Variants in LRRC19 observed in about 807,000 individuals in gnomAD.
LRRC19 encodes leucine rich repeat containing 19.
Under a neutral mutation model 33.3 loss-of-function variants are expected in LRRC19, and 33 were observed. The ratio of observed to expected loss-of-function variants is 0.99; its 90% CI spans 0.75 to 1.33. The LOEUF is 1.33. Ranked by LOEUF, LRRC19 falls within the 40% of genes most tolerant of loss-of-function variation. The pLI, the probability that LRRC19 is intolerant of heterozygous loss-of-function variation, is 0.00. For missense variants in LRRC19, 463 were observed against 417.3 expected, an observed-to-expected ratio of 1.11 and a Z score of -0.95; for synonymous variants, 184 against 152.3, an observed-to-expected ratio of 1.21 and a Z score of -1.53.
chr9:26,997,225 A>C (rs1022518811), intron 3 of LRRC19, among the ~76,000 whole-genome samples: 1 of 151,688 alleles, frequency 6.6e-6, no homozygotes, highest in Non-Finnish European at 1.5e-5. Context: ...AAAAAAAAAA[A>C]ATTTCTTAAT....
intron 1 of LRRC19, among the ~76,000 whole-genome samples, chr9:27,003,380 G>T (rs1254676711): frequency 5.3e-5 from 8 of 151,938 alleles, no homozygotes; most frequent in Admixed American, 5.2e-4. Context: ...AAAATTAGCC[G>T]GGTGCAGTGG....
In LRRC19 at chr9:26,995,116, C is replaced by A. The variant is rs191694039; in HGVS notation, c.*405G>T. The A allele has an allele frequency of 2.0e-5, 3 of 153,592 alleles. No homozygotes were observed. The highest frequency in any genetic ancestry group is 3.8e-4 in the East Asian group (2 of 5,226). The allele number at this position is 153,592 out of a possible 1,614,324, so 9.5% of individuals were successfully genotyped here. A position where few individuals can be genotyped will look rare whatever the true frequency, so the allele number is the denominator to read the frequency against. ...CTATCTCTGTTCCTCACTTTGACTT[C>A]CATATATTAATAAATCCTAAACTTT... On this transcript the variant is annotated 3_prime_UTR_variant, in exon 5 of 5. Transcript: ENST00000380055.
Position 26,997,902 on chromosome 9 carries a change from A to G in LRRC19, c.421T>C (p.Phe141Leu). Residue 141 changes from phenylalanine (F) to leucine (L), a missense_variant, in exon 3 of 5, where the codon TTT (phenylalanine) becomes CTT (leucine). Physicochemically the swap from Phe to Leu is conservative, Grantham distance 22. Coordinates refer to ENST00000380055, the MANE Select transcript of LRRC19 (RefSeq NM_022901.3). ...NKIEQLNADV[F>L]VPLRSLKLLN... Reference sequence around the variant, plus strand: ...AGTTTTAGGCTTCTTAGAGGCACAAATACATCAGCATTCAGTTGTTCTATT... The same window carrying G: ...AGTTTTAGGCTTCTTAGAGGCACAAGTACATCAGCATTCAGTTGTTCTATT... 1.9e-6 allele frequency: 3 copies of G among 1,614,178 alleles called. No individual in the cohort carries two copies. The highest frequency in any genetic ancestry group is 1.7e-6 in the Non-Finnish European group (2 of 1,180,014).
At position 26,996,456 on chromosome 9, in the gene LRRC19, C is replaced by T. The variant is rs1316105488; in HGVS notation, c.639G>A (p.Gln213=). 5 of 1,550,930 alleles carry T rather than the reference C, an allele frequency of 3.2e-6. No individual in the cohort carries two copies. Among genetic ancestry groups the T allele is most frequent in the Admixed American group, 3.6e-5 (2 of 56,062 alleles). Residue 213 remains glutamine, a synonymous_variant, in exon 4 of 5, where the codon CAG becomes CAA. Transcript: ENST00000380055. ...ITMCSYPNSL[Q]SYNIKTVPHK... is the part of the protein sequence containing the mutation. ...GAGGTACTGTTTTGATATTGTAGCT[C>T]TGCAGGCTGTTGGGGTAGCTACACA...
chr9:27,004,567 A>T (rs985149241), intron 1 of LRRC19, among the ~76,000 whole-genome samples: 3 of 152,218 alleles, frequency 2.0e-5, no homozygotes, highest in African/African-American at 7.2e-5. Flanking sequence ...AAAGAAAATC[A>T]GATACGCAGA....
chr9:26,995,357 G>A lies in LRRC19; in HGVS notation c.*164C>T. The A allele has an allele frequency of 1.8e-6, 1 of 550,936 alleles. No homozygotes were observed. The allele number at this position is 550,936 out of a possible 1,614,324, so 34.1% of individuals were successfully genotyped here. A position where few individuals can be genotyped will look rare whatever the true frequency, so the allele number is the denominator to read the frequency against. On this transcript the variant is annotated 3_prime_UTR_variant, in exon 5 of 5. Transcript: ENST00000380055. The stretch of plus-strand genomic sequence containing the variant: ...AGTGTCAGTTACTGTATTTGAACCT[G>A]CTTGCTCAATATAATGCAAAGAACA...
At position 26,994,105 on chromosome 9, in the gene LRRC19, G is replaced by A. The variant is rs1828017193; in HGVS notation, c.*1416C>T. ...TTTTCCAAACTACGTTCTTTGGAAT[G>A]TTATTGAACTACGAGCTCTTAGTAG... is the stretch of plus-strand genomic sequence containing the variant. On this transcript the variant is annotated 3_prime_UTR_variant, in exon 5 of 5. Coordinates refer to ENST00000380055, the MANE Select transcript of LRRC19 (RefSeq NM_022901.3). 6.6e-6 allele frequency: 1 copy of A among 152,210 alleles called. No individual in the cohort carries two copies. The highest frequency in any genetic ancestry group is 2.4e-5 in the African/African-American group (1 of 41,440). 9.4% of individuals were successfully genotyped at this position (152,210 alleles called of 1,614,324 possible).
rs1356101613 is a variant in LRRC19, at chr9:27,005,622, G to T, written c.-40C>A. On this transcript the variant is annotated 5_prime_UTR_variant, in exon 1 of 5. Transcript: ENST00000380055. The stretch of plus-strand genomic sequence containing the variant: ...TTTCTTTTGTCTCTAAGACTTGTGT[G>T]CTAAAGGAAATTAACTCTGTTTCAA... 1 of 150,984 alleles carries T rather than the reference G, an allele frequency of 6.6e-6. No homozygotes were observed. The highest frequency in any genetic ancestry group is 1.5e-5 in the Non-Finnish European group (1 of 67,848). 9.4% of individuals were successfully genotyped at this position (150,984 alleles called of 1,614,324 possible). A position where few individuals can be genotyped will look rare whatever the true frequency, so the allele number is the denominator to read the frequency against.
chr9:26,995,986 T>C, intron 4 of LRRC19, 137 bp from the exon 5 acceptor site: 1 of 695,304 alleles, frequency 1.4e-6, no homozygotes, highest in East Asian at 2.8e-5. Flanking sequence ...AGATTTTGTT[T>C]GGTGGATGAA....
Position 26,998,234 on chromosome 9 carries a change from T to C in LRRC19, c.89A>G (p.Gln30Arg). 3 of 1,453,114 alleles carry C rather than the reference T, an allele frequency of 2.1e-6. No homozygotes were observed. Among genetic ancestry groups the C allele is most frequent in the Non-Finnish European group, 2.8e-6 (3 of 1,086,330 alleles). The allele number at this position is 1,453,114 out of a possible 1,614,324, so 90.0% of individuals were successfully genotyped here. The change falls in exon 3 of 5, where the codon CAA becomes CGA. Residue 30 changes from glutamine (Q) to arginine (R), a missense_variant. Coordinates refer to ENST00000380055, the MANE Select transcript of LRRC19 (RefSeq NM_022901.3). ...ATAATTTTTTTCAGTAAAATTACAT[T>C]GGACTTCCTAGAAAAACAAAAAAAA... ...DKIQSSKREVQCNFTEKNYTL... is the reference protein window; with the variant it reads ...DKIQSSKREVRCNFTEKNYTL...
chr9:26,994,075 C>T lies in LRRC19; in HGVS notation c.*1446G>A, dbSNP rs1209817305. 1 of 152,116 alleles carries T rather than the reference C, an allele frequency of 6.6e-6. No individual in the cohort carries two copies. The highest frequency in any genetic ancestry group is 1.5e-5 in the Non-Finnish European group (1 of 68,020). The allele number at this position is 152,116 out of a possible 1,614,324, so 9.4% of individuals were successfully genotyped here. A position where few individuals can be genotyped will look rare whatever the true frequency, so the allele number is the denominator to read the frequency against. ...ACCCTTCCTATTACAGCCGATAGGC[C>T]AGTGTTTTCCAAACTACGTTCTTTG... On this transcript the variant is annotated 3_prime_UTR_variant, in exon 5 of 5. Coordinates refer to ENST00000380055, the MANE Select transcript of LRRC19 (RefSeq NM_022901.3).
rs1298075416 is a variant in LRRC19 at position 26,997,590 on chromosome 9, T to C, written c.595+138A>G. On this transcript the variant is annotated intron_variant, in intron 3 of 4. Transcript: ENST00000380055. ...CTCAGGTGATCCCCCTGCCTTGGCC[T>C]CCCATAGTGATGGGATTACAGGCAT... 5.6e-6 allele frequency: 5 copies of C among 895,164 alleles called. No homozygotes were observed. In the African/African-American group the frequency reaches 8.5e-5, roughly 15 times the overall value. 55.5% of individuals were successfully genotyped at this position (895,164 alleles called of 1,614,324 possible).
At chr9:26,998,280 A>G in intron 2 of LRRC19, 39 bp from the exon 3 acceptor site, 1 of 1,204,760 alleles carries the variant, frequency 8.3e-7, no homozygotes, top group Non-Finnish European at 1.1e-6. Context: ...AATCAGAAAA[A>G]AAATTAATAG....
At chr9:27,000,791 T>C (rs1563963272) in intron 1 of LRRC19, among the ~76,000 whole-genome samples, 1 of 152,242 alleles carries the variant, frequency 6.6e-6, no homozygotes, top group Non-Finnish European at 1.5e-5. Context: ...TTTACCTATG[T>C]AACAAACCTG....
At position 26,993,883 on chromosome 9, in the gene LRRC19, CA is replaced by C. The variant is rs1220098808; in HGVS notation, c.*1637del. On this transcript the variant is annotated 3_prime_UTR_variant, in exon 5 of 5. Coordinates refer to ENST00000380055, the MANE Select transcript of LRRC19 (RefSeq NM_022901.3). ...CACCCATCAATATATTTCATTATTTCAGAGATATACATATTTGTAAAAGATG... is the reference window on the plus strand; with the variant it reads ...CACCCATCAATATATTTCATTATTTCGAGATATACATATTTGTAAAAGATG... 2 of 152,100 alleles carry C rather than the reference CA, an allele frequency of 1.3e-5. No individual in the cohort carries two copies. The highest frequency in any genetic ancestry group is 4.8e-5 in the African/African-American group (2 of 41,416). The allele number at this position is 152,100 out of a possible 1,614,324, so 9.4% of individuals were successfully genotyped here. A position where few individuals can be genotyped will look rare whatever the true frequency, so the allele number is the denominator to read the frequency against.
In LRRC19 at chr9:26,999,681, C is replaced by T; in HGVS notation, c.14G>A (p.Gly5Asp). The T allele has an allele frequency of 6.2e-7, 1 of 1,607,764 alleles. No homozygotes were observed. The highest frequency in any genetic ancestry group is 8.5e-7 in the Non-Finnish European group (1 of 1,177,140). MKVTGITILFWPLSM... is the reference protein window; with the variant it reads MKVTDITILFWPLSM... The stretch of plus-strand genomic sequence containing the variant: ...GAGGGGCCAAAAGAGGATTGTGATG[C>T]CTGTGACTTTCATGTTGCAGACCTG... The change falls in exon 2 of 5, where the codon GGC becomes GAC. Residue 5 changes from glycine to aspartate, a missense_variant. Gly to Asp is a moderately conservative substitution (Grantham distance 94, BLOSUM62 -1). Transcript: ENST00000380055.
rs772784736 is a variant in LRRC19, at chr9:26,998,098, G to A, written c.225C>T (p.Leu75=). The change falls in exon 3 of 5, where the codon CTC becomes CTT. Residue 75 remains leucine (L), a synonymous_variant. Coordinates refer to ENST00000380055, the MANE Select transcript of LRRC19 (RefSeq NM_022901.3). ...TGTTCTCAATCAAATAGAGCTCTGT[G>A]AGTAAAAAGTATGTCTGTAGAACTC... ...DTRVLQTYFL[L]TELYLIENKV... is the part of the protein sequence containing the mutation. 1 of 1,613,372 alleles carries A rather than the reference G, an allele frequency of 6.2e-7. No individual in the cohort carries two copies. Among genetic ancestry groups the A allele is most frequent in the Non-Finnish European group, 8.5e-7 (1 of 1,179,632 alleles).
At position 26,996,342 on chromosome 9, in the gene LRRC19, A is replaced by G. The variant is rs2131568463; in HGVS notation, c.753T>C (p.Asn251=). ...HFQPISNSIF[N]SSSNNLTRNS... is the part of the protein sequence containing the mutation. Reference sequence around the variant, plus strand: ...TTCTTGTTAAGTTGTTCGAAGAGCTATTAAATATTGAATTGCTGATGGGCT... The same window carrying G: ...TTCTTGTTAAGTTGTTCGAAGAGCTGTTAAATATTGAATTGCTGATGGGCT... Residue 251 remains asparagine (N), a synonymous_variant, in exon 4 of 5, where the codon AAT becomes AAC. Coordinates refer to ENST00000380055, the MANE Select transcript of LRRC19 (RefSeq NM_022901.3). The G allele has an allele frequency of 1.2e-6, 2 of 1,605,148 alleles. No homozygotes were observed. Among genetic ancestry groups the G allele is most frequent in the Non-Finnish European group, 1.7e-6 (2 of 1,174,518 alleles).
rs573018386 is a variant in LRRC19, at chr9:26,995,921, T to A, written c.785-72A>T. 101 of 1,018,408 alleles carry A rather than the reference T, an allele frequency of 9.9e-5. 1 individual carries two copies. The East Asian group carries it at 2.5e-3, about 26-fold the overall frequency. 63.1% of individuals were successfully genotyped at this position (1,018,408 alleles called of 1,614,324 possible). A position where few individuals can be genotyped will look rare whatever the true frequency, so the allele number is the denominator to read the frequency against. On this transcript the variant is annotated intron_variant, in intron 4 of 4. Transcript: ENST00000380055. The stretch of plus-strand genomic sequence containing the variant: ...TTGGCAAAATAATCATAATTATATA[T>A]CCTAATTCTCCTCAATATTGGTATT...
Sources: allele counts gnomAD v4.1 joint callset (sites outside exome capture counted in the v4.1 genomes callset), GRCh38; gene constraint gnomAD v4.1.1; transcripts MANE v1.5; gene names NCBI Gene and HGNC (gene_info 2026-07-23, HGNC 2026-07-21).